SCMH1: variants seen among roughly 807,000 people sequenced by gnomAD.
The protein encoded by SCMH1 is Scm polycomb group protein homolog 1, also known as polycomb protein SCMH1.
SCMH1 carries 37 observed loss-of-function variants against 70.8 expected under a neutral mutation model. The ratio of observed to expected loss-of-function variants is 0.52; its 90% CI spans 0.40 to 0.69. The LOEUF is 0.69. Ranked by LOEUF, SCMH1 falls within the 30% of genes least tolerant of loss-of-function variation. SCMH1 has a pLI of 0.00. For synonymous variants in SCMH1, 292 were observed against 307.4 expected (o/e 0.95, Z 0.52); for missense variants, 607 against 827.3 (o/e 0.73, Z 3.27).
chr1:41,127,814 C>G (rs913591198), intron 6 of SCMH1, among the ~76,000 whole-genome samples: 5 of 152,084 alleles, frequency 3.3e-5, no homozygotes, highest in Non-Finnish European at 5.9e-5. Flanking sequence ...TCTTCCTTCT[C>G]CTGTGAGAAC....
At chr1:41,230,124 A>G (rs1193122958) in intron 1 of SCMH1, among the ~76,000 whole-genome samples, 1 of 152,198 alleles carries the variant, frequency 6.6e-6, no homozygotes, top group Non-Finnish European at 1.5e-5. Flanking sequence ...AATGCAATGG[A>G]AAGCCACTGA....
chr1:41,223,765 C>A (rs1391521477), intron 1 of SCMH1, among the ~76,000 whole-genome samples: 1 of 152,090 alleles, frequency 6.6e-6, no homozygotes, highest in Non-Finnish European at 1.5e-5. Context: ...CTTTCAAAGA[C>A]CTGTTGTGAG....
intron 8 of SCMH1, among the ~76,000 whole-genome samples, chr1:41,078,582 T>C (rs1345266634): frequency 6.6e-6 from 1 of 151,820 alleles, no homozygotes; most frequent in African/African-American, 2.4e-5. Context: ...ACAATAAGAG[T>C]GATAGCAGGC....
intron 8 of SCMH1, among the ~76,000 whole-genome samples, chr1:41,079,940 C>A (rs1659496735): frequency 6.6e-6 from 1 of 151,890 alleles, no homozygotes; most frequent in South Asian, 2.1e-4. Flanking sequence ...TCTTGTCTGC[C>A]CTTAAACCCA....
At chr1:41,063,044 G>T (rs1168118587) in intron 10 of SCMH1, among the ~76,000 whole-genome samples, 1 of 151,990 alleles carries the variant, frequency 6.6e-6, no homozygotes, top group African/African-American at 2.4e-5. Flanking sequence ...TAGAAAAGAA[G>T]ATCTAAAAGC....
intron 11 of SCMH1, among the ~76,000 whole-genome samples, chr1:41,048,147 A>C (rs1647073762): frequency 6.6e-6 from 1 of 152,250 alleles, no homozygotes; most frequent in African/African-American, 2.4e-5. Flanking sequence ...AAACAGAATC[A>C]GGACACAGGA....
At chr1:41,100,524 C>G (rs938596097) in intron 8 of SCMH1, among the ~76,000 whole-genome samples, 1 of 151,094 alleles carries the variant, frequency 6.6e-6, no homozygotes, top group Non-Finnish European at 1.5e-5. Flanking sequence ...AATCCCTTAT[C>G]TTTAACATGT....
At chr1:41,166,723 T>G (rs989708519) in intron 2 of SCMH1, among the ~76,000 whole-genome samples, 4 of 152,152 alleles carry the variant, frequency 2.6e-5, no homozygotes, top group African/African-American at 9.6e-5. Context: ...TGGATTTGTC[T>G]AATTCAAATG....
At chr1:41,160,767 G>T in intron 4 of SCMH1, 108 bp downstream of exon 4, 1 of 1,034,354 alleles carries the variant, frequency 9.7e-7, no homozygotes, top group Non-Finnish European at 1.5e-6. Context: ...TGGTTTCTGA[G>T]ACAGAGACAC....
chr1:41,195,194 G>A (rs891926547), intron 1 of SCMH1, among the ~76,000 whole-genome samples: 1 of 146,548 alleles, frequency 6.8e-6, no homozygotes, highest in African/African-American at 2.5e-5. Context: ...TTACCAGGCC[G>A]TGTGGCCTCT....
At chr1:41,055,472 C>T (rs1294744929) in intron 10 of SCMH1, among the ~76,000 whole-genome samples, 1 of 152,196 alleles carries the variant, frequency 6.6e-6, no homozygotes. Context: ...GCCTCAGCCT[C>T]CTGAGTAGCT....
chr1:41,122,960 C>T (rs1048160714), intron 6 of SCMH1, among the ~76,000 whole-genome samples: 2 of 152,172 alleles, frequency 1.3e-5, no homozygotes, highest in Non-Finnish European at 2.9e-5. Flanking sequence ...TGGCTTTCAC[C>T]TGTAATCGCA....
chr1:41,202,047 GT>G (rs1203662059), intron 1 of SCMH1, among the ~76,000 whole-genome samples: 2 of 152,000 alleles, frequency 1.3e-5, no homozygotes, highest in Non-Finnish European at 2.9e-5. Context: ...AGCTTTTTGA[GT>G]TTTTTTATTT....
At chr1:41,106,476 T>C (rs553097308) in intron 8 of SCMH1, among the ~76,000 whole-genome samples, 3 of 151,912 alleles carry the variant, frequency 2.0e-5, no homozygotes, top group African/African-American at 7.3e-5. Context: ...TGCAGAACTC[T>C]AAGCCAATTA....
chr1:41,176,940 A>G (rs1385227426), intron 2 of SCMH1, among the ~76,000 whole-genome samples: 1 of 152,222 alleles, frequency 6.6e-6, no homozygotes. Context: ...GAGAATGGAC[A>G]GACTGCCTCC....
At chr1:41,173,049 T>C (rs77135773) in intron 2 of SCMH1, among the ~76,000 whole-genome samples, 1,965 of 152,180 alleles carry the variant, frequency 0.013, 41 homozygotes, top group African/African-American at 0.045. Context: ...TGGAGAAGAC[T>C]TCAAAAGCAT....
At chr1:41,122,895 A>G (rs1034043068) in intron 6 of SCMH1, among the ~76,000 whole-genome samples, 2 of 152,162 alleles carry the variant, frequency 1.3e-5, no homozygotes, top group Non-Finnish European at 2.9e-5. Flanking sequence ...CCATCTCTTT[A>G]AACTGGCCAG....
chr1:41,205,354 C>T (rs981787433), intron 1 of SCMH1, among the ~76,000 whole-genome samples: 2 of 152,224 alleles, frequency 1.3e-5, no homozygotes, highest in African/African-American at 4.8e-5. Flanking sequence ...CTGTGCTTTT[C>T]CCATGGTCTT....
chr1:41,193,687 T>A (rs1016415351), intron 1 of SCMH1, among the ~76,000 whole-genome samples: 4 of 151,990 alleles, frequency 2.6e-5, no homozygotes, highest in African/African-American at 9.7e-5. Context: ...TTATTACAGA[T>A]GAAAAGGGAC....
Sources: gnomAD v4.1 joint callset for allele counts (sites outside exome capture counted in the v4.1 genomes callset) on GRCh38, gnomAD v4.1.1 for gene constraint, MANE v1.5 for transcripts, NCBI Gene and HGNC (gene_info 2026-07-23, HGNC 2026-07-21) for gene names.